IMPG1: variants seen among roughly 807,000 people sequenced by gnomAD.
IMPG1 encodes interphotoreceptor matrix proteoglycan 1.
IMPG1 carries 85 observed loss-of-function variants against 92.0 expected under a neutral mutation model. The ratio of observed to expected loss-of-function variants is 0.92; its 90% CI spans 0.78 to 1.11. IMPG1 has a LOEUF of 1.11. Ranked by LOEUF, IMPG1 falls within the 50% of genes least tolerant of loss-of-function variation. IMPG1 has a pLI of 0.00. For synonymous variants in IMPG1, 367 were observed against 334.1 expected, an observed-to-expected ratio of 1.10 and a Z score of -1.08; for missense variants, 1,022 against 956.0, an observed-to-expected ratio of 1.07 and a Z score of -0.91.
At chr6:76,068,512 T>TTC (rs201577995) in intron 1 of IMPG1, among the ~76,000 whole-genome samples, 6,745 of 142,600 alleles carry the variant, frequency 0.047, 253 homozygotes, top group Admixed American at 0.085. Flanking sequence ...TGTCCATACT[T>TTC]TTTTTTTTTT....
chr6:75,980,292 G>A (rs1782606130), intron 12 of IMPG1, among the ~76,000 whole-genome samples: 1 of 152,186 alleles, frequency 6.6e-6, no homozygotes, highest in South Asian at 2.1e-4. Context: ...TAAACATGAG[G>A]TTTAAAGGTA....
At chr6:76,042,603 A>G (rs1186109927) in intron 1 of IMPG1, among the ~76,000 whole-genome samples, 1 of 152,122 alleles carries the variant, frequency 6.6e-6, no homozygotes, top group Non-Finnish European at 1.5e-5. Flanking sequence ...AGCCCTAGGA[A>G]TTCTATATGG....
At chr6:75,928,291 C>A (rs1414322602) in intron 15 of IMPG1, among the ~76,000 whole-genome samples, 1 of 152,014 alleles carries the variant, frequency 6.6e-6, no homozygotes, top group African/African-American at 2.4e-5. Context: ...CCTCCACCTC[C>A]TGGGTTCAAG....
Position 76,006,376 on chromosome 6 carries a change from A to G in IMPG1, c.888-842T>C, listed in dbSNP as rs544040491. Among the ~76,000 whole-genome samples the G allele has an allele frequency of 1.0e-4, 15 of 148,358 alleles. No homozygotes were observed. In the South Asian group the frequency reaches 1.5e-3, roughly 14 times the overall value. On this transcript the variant is annotated intron_variant, in intron 9 of 16. Coordinates refer to ENST00000369950, the MANE Select transcript of IMPG1 (RefSeq NM_001563.4). ...TATATACTATTATGCATATACACAT[A>G]TATGTAAAATATATATATATAGTAT...
At chr6:75,955,317 G>A (rs117808735) in intron 12 of IMPG1, among the ~76,000 whole-genome samples, 10,426 of 152,190 alleles carry the variant, frequency 0.069, 435 homozygotes, top group South Asian at 0.11. Context: ...TCACCTTGAA[G>A]AGGTCCTCCA....
intron 10 of IMPG1, among the ~76,000 whole-genome samples, chr6:76,004,614 A>G (rs1339856070): frequency 6.6e-6 from 1 of 152,148 alleles, no homozygotes; most frequent in Non-Finnish European, 1.5e-5. Context: ...TACTGAACCT[A>G]CTGAGGACTG....
intron 12 of IMPG1, among the ~76,000 whole-genome samples, chr6:75,989,983 A>G (rs1486344162): frequency 6.6e-6 from 1 of 152,232 alleles, no homozygotes; most frequent in Non-Finnish European, 1.5e-5. Flanking sequence ...ATATTAATGC[A>G]TTATGTTGTT....
At chr6:76,006,386 T>A (rs1290116370) in intron 9 of IMPG1, among the ~76,000 whole-genome samples, 2 of 147,780 alleles carry the variant, frequency 1.4e-5, no homozygotes, top group Non-Finnish European at 1.5e-5. Context: ...ATATGTAAAA[T>A]ATATATATAT....
chr6:76,043,793 A>G (rs1345352246), intron 1 of IMPG1, among the ~76,000 whole-genome samples: 1 of 152,204 alleles, frequency 6.6e-6, no homozygotes, highest in Non-Finnish European at 1.5e-5. Context: ...GCCTGGTGGA[A>G]ATGGAGGTCT....
intron 8 of IMPG1, 65 bp from the exon 9 acceptor site, chr6:76,007,565 A>T: frequency 9.3e-7 from 1 of 1,076,822 alleles, no homozygotes; most frequent in Non-Finnish European, 1.4e-6. Flanking sequence ...ATTTATTGAG[A>T]CATTCAATGA....
At chr6:76,051,656 G>C (rs929813118) in intron 1 of IMPG1, among the ~76,000 whole-genome samples, 1 of 152,068 alleles carries the variant, frequency 6.6e-6, no homozygotes, top group Non-Finnish European at 1.5e-5. Context: ...TAATGCATGG[G>C]GTGGATGTTA....
chr6:76,029,580 A>G (rs1424420447), intron 4 of IMPG1, among the ~76,000 whole-genome samples: 2 of 152,218 alleles, frequency 1.3e-5, no homozygotes, highest in African/African-American at 2.4e-5. Flanking sequence ...CTGTGAACCA[A>G]CCAGCAATCT....
At chr6:76,066,492 A>G (rs1055515591) in intron 1 of IMPG1, among the ~76,000 whole-genome samples, 1 of 152,128 alleles carries the variant, frequency 6.6e-6, no homozygotes, top group African/African-American at 2.4e-5. Flanking sequence ...TGATAACGGG[A>G]TCAATTTAAC....
At chr6:76,012,366 C>G (rs1024502793) in intron 7 of IMPG1, among the ~76,000 whole-genome samples, 4 of 152,208 alleles carry the variant, frequency 2.6e-5, no homozygotes, top group Non-Finnish European at 5.9e-5. Flanking sequence ...TCTGACCACT[C>G]TCTCCATCTT....
chr6:75,921,590 T>A lies in IMPG1; in HGVS notation c.*499A>T, dbSNP rs557978637. On this transcript the variant is annotated 3_prime_UTR_variant, in exon 17 of 17. Transcript: ENST00000369950. ...AGGTTTGTGTTTATCAGACGTAGTG[T>A]GGAGCATATATACACTCACTACAGT... is the stretch of plus-strand genomic sequence containing the variant. 6.5e-6 allele frequency: 1 copy of A among 153,092 alleles called. No homozygotes were observed. Among genetic ancestry groups the A allele is most frequent in the South Asian group, 2.1e-4 (1 of 4,834 alleles). 9.5% of individuals were successfully genotyped at this position (153,092 alleles called of 1,614,324 possible).
intron 14 of IMPG1, among the ~76,000 whole-genome samples, chr6:75,932,579 G>T (rs928978598): frequency 6.6e-6 from 1 of 152,114 alleles, no homozygotes; most frequent in African/African-American, 2.4e-5. Context: ...AGTTTAACTA[G>T]TAGAACTTTT....
intron 13 of IMPG1, 38 bp from the exon 14 acceptor site, chr6:75,947,571 T>C (rs905256579): frequency 4.2e-6 from 6 of 1,441,708 alleles, no homozygotes; most frequent in Admixed American, 1.8e-5. Flanking sequence ...AACTGTGTTC[T>C]AAGTGCTCAG....
At chr6:76,035,422 C>T (rs1296472432) in intron 2 of IMPG1, among the ~76,000 whole-genome samples, 1 of 148,690 alleles carries the variant, frequency 6.7e-6, no homozygotes, top group African/African-American at 2.5e-5. Context: ...TTGCTTGAAC[C>T]TGGGAGGCGG....
rs565867928 is a variant in IMPG1, at chr6:75,933,830, T to A, written c.2045-2679A>T. ...AAAGGCCATTATGTGTTTGGCACAG[T>A]GCCAGGCACTTTCAACATGTGTCTT... is the stretch of plus-strand genomic sequence containing the variant. On this transcript the variant is annotated intron_variant, in intron 14 of 16. Transcript: ENST00000369950. Among the ~76,000 whole-genome samples, 7 of 152,368 alleles carry A rather than the reference T, an allele frequency of 4.6e-5. No homozygotes were observed. In the East Asian group the frequency reaches 1.2e-3, roughly 25 times the overall value.
Sources: gnomAD v4.1 joint callset for allele counts (sites outside exome capture counted in the v4.1 genomes callset) on GRCh38, gnomAD v4.1.1 for gene constraint, MANE v1.5 for transcripts, NCBI Gene and HGNC (gene_info 2026-07-23, HGNC 2026-07-21) for gene names.